SOX5: variants seen among roughly 807,000 people sequenced by gnomAD.
SOX5 encodes transcription factor SOX-5.
A neutral mutation model predicts 92.0 loss-of-function variants in SOX5; 9 were observed. The ratio of observed to expected loss-of-function variants is 0.10; its 90% confidence interval spans 0.06 to 0.17. The LOEUF (loss-of-function observed/expected upper bound fraction) is 0.17, where lower values mean the gene tolerates loss of function less well. Ranked by LOEUF, SOX5 falls within the 10% of genes least tolerant of loss-of-function variation. SOX5 has a pLI of 1.00. For missense variants in SOX5, 642 were observed against 944.5 expected, an observed-to-expected ratio of 0.68 and a Z score of 4.20; for synonymous variants, 344 against 336.3, an observed-to-expected ratio of 1.02 and a Z score of -0.25.
Position 23,720,070 on chromosome 12 carries a change from A to G in SOX5, c.810+14614T>C, listed in dbSNP as rs1297927370. Among the ~76,000 whole-genome samples, 3 of 152,206 alleles carry G rather than the reference A, an allele frequency of 2.0e-5. No individual in the cohort carries two copies. In the East Asian group the frequency reaches 5.8e-4, roughly 29 times the overall value. Reference sequence around the variant, plus strand: ...CATTTAAGAGCAGTAGCCTTTGTTAATCACAAAAAAGACTCATTCCATGTT... The same window carrying G: ...CATTTAAGAGCAGTAGCCTTTGTTAGTCACAAAAAAGACTCATTCCATGTT... On this transcript the variant is annotated intron_variant, in intron 6 of 14. Coordinates refer to ENST00000451604, the MANE Select transcript of SOX5 (RefSeq NM_006940.6).
chr12:23,765,193 T>C (rs114043068), intron 3 of SOX5, among the ~76,000 whole-genome samples: 3 of 151,972 alleles, frequency 2.0e-5, no homozygotes, highest in African/African-American at 7.2e-5. Flanking sequence ...TGTTTATTAT[T>C]TGGTCTCTTA....
In SOX5 at chr12:23,534,282, C is replaced by G. The variant is rs1363458245; in HGVS notation, c.2229G>C (p.Glu743Asp). 1 of 1,614,172 alleles carries G rather than the reference C, an allele frequency of 6.2e-7. No individual in the cohort carries two copies. ...GEIYDEYDEE[E>D]DDPDVDYGSD... ...TCCCATAATCTACATCTGGATCATCCTCTTCCTCGTCGTACTCATCATAAA... is the reference window on the plus strand; with the variant it reads ...TCCCATAATCTACATCTGGATCATCGTCTTCCTCGTCGTACTCATCATAAA... Residue 743 changes from glutamate to aspartate, a missense_variant, in exon 15 of 15, where the codon GAG becomes GAC. Around this residue, in one of 8 missense-constraint regions of SOX5, gnomAD observed 130 missense variants for 140.6 expected, o/e 0.92. Coordinates refer to ENST00000451604, the MANE Select transcript of SOX5 (RefSeq NM_006940.6).
chr12:24,348,541 C>T (rs920644293), intron 2 of SOX5, among the ~76,000 whole-genome samples: 1 of 152,030 alleles, frequency 6.6e-6, no homozygotes, highest in Admixed American at 6.6e-5. Flanking sequence ...TGCTACCATG[C>T]CTGGCTAATT....
At chr12:24,389,747 A>G (rs1439051513) in intron 1 of SOX5, among the ~76,000 whole-genome samples, 1 of 152,172 alleles carries the variant, frequency 6.6e-6, no homozygotes, top group African/African-American at 2.4e-5. Flanking sequence ...CTAGGAATGG[A>G]CTTGCTAGAT....
At chr12:23,798,149 C>G (rs949349700) in intron 3 of SOX5, among the ~76,000 whole-genome samples, 2 of 151,284 alleles carry the variant, frequency 1.3e-5, no homozygotes, top group Non-Finnish European at 3.0e-5. Context: ...TATATTTTAC[C>G]TATTCATTAT....
intron 2 of SOX5, among the ~76,000 whole-genome samples, chr12:24,357,849 AAAAAAGAAAG>A (rs1379712303): frequency 2.0e-5 from 3 of 151,186 alleles, no homozygotes; most frequent in South Asian, 2.2e-4. Flanking sequence ...TCAAAAAAAA[AAAAAAGAAAG>A]AAGAAAAAAG....
chr12:24,111,666 A>C (rs1290718073), intron 4 of SOX5, among the ~76,000 whole-genome samples: 1 of 152,040 alleles, frequency 6.6e-6, no homozygotes, highest in Non-Finnish European at 1.5e-5. Context: ...TGAATCACTA[A>C]TATTTTATTT....
intron 8 of SOX5, among the ~76,000 whole-genome samples, chr12:23,625,914 A>G (rs16926468): frequency 0.089 from 13,608 of 152,170 alleles, 706 homozygotes; most frequent in Non-Finnish European, 0.11. Context: ...GCCTCAAGCA[A>G]ATGTTTCTAA....
intron 4 of SOX5, among the ~76,000 whole-genome samples, chr12:24,030,133 GTA>G (rs1203029212): frequency 1.3e-5 from 2 of 151,906 alleles, no homozygotes; most frequent in Non-Finnish European, 2.9e-5. Flanking sequence ...GCTCTAGAAA[GTA>G]TGCTCTTTGT....
chr12:24,117,289 T>C (rs1232317903), intron 4 of SOX5, among the ~76,000 whole-genome samples: 1 of 152,164 alleles, frequency 6.6e-6, no homozygotes, highest in Non-Finnish European at 1.5e-5. Flanking sequence ...TTAGAAGGGC[T>C]GCTATCTATA....
intron 3 of SOX5, among the ~76,000 whole-genome samples, chr12:23,805,833 C>T (rs1181884658): frequency 6.6e-6 from 1 of 152,144 alleles, no homozygotes; most frequent in East Asian, 1.9e-4. Flanking sequence ...ATTTTACAAA[C>T]TTCAGCTTTA....
chr12:24,482,251 T>C (rs577702162), intron 1 of SOX5, among the ~76,000 whole-genome samples: 40 of 152,230 alleles, frequency 2.6e-4, no homozygotes, highest in African/African-American at 9.4e-4. Context: ...AAAAGAAATA[T>C]GCCAGCGTAG....
At chr12:23,983,174 A>G (rs1949752693) in intron 4 of SOX5, among the ~76,000 whole-genome samples, 1 of 151,700 alleles carries the variant, frequency 6.6e-6, no homozygotes. Flanking sequence ...TCTGTATTTA[A>G]AAATGGGCAG....
intron 2 of SOX5, among the ~76,000 whole-genome samples, chr12:24,352,833 G>T (rs1420823545): frequency 6.6e-6 from 1 of 152,102 alleles, no homozygotes; most frequent in South Asian, 2.1e-4. Flanking sequence ...GCCTAGAATT[G>T]CACACTCCAG....
intron 6 of SOX5, among the ~76,000 whole-genome samples, chr12:23,679,306 A>G (rs1207911420): frequency 6.6e-6 from 1 of 152,148 alleles, no homozygotes; most frequent in African/African-American, 2.4e-5. Context: ...TTGGTGAAAG[A>G]TTAGTTTAAA....
At chr12:24,476,995 CAA>C (rs11385447) in intron 1 of SOX5, among the ~76,000 whole-genome samples, 341 of 53,630 alleles carry the variant, frequency 6.4e-3, no homozygotes, top group African/African-American at 0.023. Flanking sequence ...AGACCCCTCT[CAA>C]AAAAAAAAAA....
At chr12:24,324,719 T>G (rs1263827846) in intron 2 of SOX5, among the ~76,000 whole-genome samples, 1 of 152,062 alleles carries the variant, frequency 6.6e-6, no homozygotes, top group African/African-American at 2.4e-5. Flanking sequence ...CTAACTTCCC[T>G]GAACCTCAGT....
intron 4 of SOX5, among the ~76,000 whole-genome samples, chr12:23,744,881 T>G (rs2093928228): frequency 6.6e-6 from 1 of 152,150 alleles, no homozygotes; most frequent in South Asian, 2.1e-4. Context: ...GTCAACAGGG[T>G]TGATCTGTTC....
intron 2 of SOX5, among the ~76,000 whole-genome samples, chr12:24,284,615 C>T (rs1945628559): frequency 6.6e-6 from 1 of 152,168 alleles, no homozygotes; most frequent in African/African-American, 2.4e-5. Flanking sequence ...TCCTGGCTTC[C>T]TGCCTCAGGC....
Sources: gnomAD v4.1 joint callset for allele counts (sites outside exome capture counted in the v4.1 genomes callset) on GRCh38, gnomAD v4.1.1 for gene constraint, gnomAD v4.1.1 regional missense constraint, MANE v1.5 for transcripts, NCBI Gene and HGNC (gene_info 2026-07-23, HGNC 2026-07-21) for gene names.